The following COL28A1 variants were observed in gnomAD, a reference collection of about 807,000 sequenced individuals.
COL28A1 encodes collagen alpha-1(XXVIII) chain.
In COL28A1, 161 loss-of-function variants were observed where a neutral mutation model predicts 150.2. The observed-to-expected ratio is 1.07, with a 90% confidence interval of 0.94 to 1.22. The LOEUF (loss-of-function observed/expected upper bound fraction) is 1.22, where lower values mean the gene tolerates loss of function less well. Ranked by LOEUF, COL28A1 falls within the 50% of genes most tolerant of loss-of-function variation. The pLI is 0.00. For missense variants in COL28A1, 1,617 were observed against 1,388.3 expected (o/e 1.16, Z -2.62); for synonymous variants, 552 against 469.7 (o/e 1.18, Z -2.26).
intron 15 of COL28A1, among the ~76,000 whole-genome samples, chr7:7,462,511 G>C (rs1259520644): frequency 6.6e-6 from 1 of 151,754 alleles, no homozygotes; most frequent in Admixed American, 6.5e-5. Flanking sequence ...AATATTCAAT[G>C]AAATAGATAG....
chr7:7,526,550 A>T (rs911062657), intron 3 of COL28A1, among the ~76,000 whole-genome samples: 14 of 152,258 alleles, frequency 9.2e-5, no homozygotes, highest in African/African-American at 3.4e-4. Flanking sequence ...ATTCAAGTCA[A>T]ATTGTAATAT....
chr7:7,359,020 A>C (rs867740601), intron 34 of COL28A1, among the ~76,000 whole-genome samples: 34 of 152,212 alleles, frequency 2.2e-4, no homozygotes, highest in Admixed American at 5.9e-4. Flanking sequence ...AATTCTTTTG[A>C]AAACATGAAA....
In COL28A1 at chr7:7,444,602, G is replaced by T. The variant is rs953923425; in HGVS notation, c.1510-113C>A. ...GAAAAGCCTCCGAGAAATCTCATTA[G>T]CAATTAATACTAAACTATTTGATCT... On this transcript the variant is annotated intron_variant, in intron 18 of 34. Transcript: ENST00000399429. 69 of 985,416 alleles carry T rather than the reference G, an allele frequency of 7.0e-5. No individual in the cohort carries two copies. In the Admixed American group the frequency reaches 1.7e-3, roughly 24 times the overall value. 61.0% of individuals were successfully genotyped at this position (985,416 alleles called of 1,614,324 possible).
rs1243566284 is a variant in COL28A1 at position 7,381,576 on chromosome 7, C to T, written c.2173G>A (p.Gly725Ser). The change falls in exon 28 of 35, where the codon GGC (glycine) becomes AGC (serine). Residue 725 changes from glycine to serine, a missense_variant. Gly to Ser is a moderately conservative substitution (Grantham distance 56, BLOSUM62 0). Coordinates refer to ENST00000399429, the MANE Select transcript of COL28A1 (RefSeq NM_001037763.3). Reference protein sequence around the residue: ...QGPQGFPGPKGTMGHGLPGQK... With the variant: ...QGPQGFPGPKSTMGHGLPGQK... ...CCTGGGAGGCCATGGCCCATTGTGC[C>T]CTTTGGGCCTGGGAAGCCTTGTGGT... 4.3e-6 allele frequency: 7 copies of T among 1,613,760 alleles called. No individual in the cohort carries two copies. Among genetic ancestry groups the T allele is most frequent in the African/African-American group, 4.0e-5 (3 of 74,916 alleles).
At chr7:7,445,567 T>C (rs1365619597) in intron 18 of COL28A1, among the ~76,000 whole-genome samples, 1 of 152,226 alleles carries the variant, frequency 6.6e-6, no homozygotes, top group Non-Finnish European at 1.5e-5. Flanking sequence ...CTAACAACAC[T>C]TCCAGCTCTA....
chr7:7,497,861 A>G (rs1459920186), intron 11 of COL28A1, among the ~76,000 whole-genome samples: 2 of 152,234 alleles, frequency 1.3e-5, no homozygotes, highest in African/African-American at 4.8e-5. Context: ...AGGTAAATCT[A>G]CATATAAACT....
chr7:7,449,678 A>AAAAAC (rs899170113), intron 18 of COL28A1, among the ~76,000 whole-genome samples: 2 of 152,092 alleles, frequency 1.3e-5, no homozygotes, highest in Non-Finnish European at 1.5e-5. Flanking sequence ...CAACATGCCA[A>AAAAAC]AAAACAAAAC....
chr7:7,430,703 G>A (rs1445757801), intron 25 of COL28A1, among the ~76,000 whole-genome samples: 2 of 151,686 alleles, frequency 1.3e-5, no homozygotes, highest in Non-Finnish European at 2.9e-5. Context: ...TTTTACCATT[G>A]TTTCACTCAC....
the COL28A1 span, among the ~76,000 whole-genome samples, chr7:7,542,409 T>C: frequency 4.5e-3 from 687 of 152,320 alleles, 11 homozygotes; most frequent in African/African-American, 0.016. Context: ...AGCAAATATG[T>C]TCATTGTAAA....
Position 7,478,082 on chromosome 7 carries a change from C to T in COL28A1, c.1165-902G>A, listed in dbSNP as rs1235637898. On this transcript the variant is annotated intron_variant, in intron 13 of 34. Transcript: ENST00000399429. ...AAACCCTGAGCTAGACACAGAGTGC[C>T]GATTGGTGCATTCACAATCCCTTAG... 2.7e-5 allele frequency among the ~76,000 whole-genome samples: 4 copies of T among 150,798 alleles called. 1 individual carries two copies. Among genetic ancestry groups the T allele is most frequent in the Non-Finnish European group, 4.4e-5 (3 of 67,752 alleles).
chr7:7,425,523 C>T (rs1236433530), intron 25 of COL28A1, among the ~76,000 whole-genome samples: 2 of 152,166 alleles, frequency 1.3e-5, no homozygotes, highest in South Asian at 2.1e-4. Context: ...ATTTTCCCTC[C>T]GTTGCTAATC....
chr7:7,541,605 C>T, the COL28A1 span, among the ~76,000 whole-genome samples: 116 of 152,194 alleles, frequency 7.6e-4, no homozygotes, highest in African/African-American at 2.8e-3. Context: ...CCTTGTGGGA[C>T]TTTGTAGAAA....
chr7:7,503,372 A>C (rs1780639637), intron 11 of COL28A1, among the ~76,000 whole-genome samples: 1 of 152,234 alleles, frequency 6.6e-6, no homozygotes, highest in South Asian at 2.1e-4. Context: ...TATACATAAT[A>C]AATATACAAT....
rs191095203 is a variant in COL28A1, at chr7:7,399,636, G to A, written c.2137-18024C>T. 3.4e-3 allele frequency among the ~76,000 whole-genome samples: 473 copies of A among 140,216 alleles called. 3 individuals are homozygous for A. The highest frequency in any genetic ancestry group is 0.025 in the South Asian group (119 of 4,708). 92.0% of individuals were successfully genotyped at this position (140,216 alleles called of 152,430 possible). ...ATGACAAATTTTTGGAGTTCAATAT[G>A]GAAAAGAAATAATAAAATAGGGATA... On this transcript the variant is annotated intron_variant, in intron 27 of 34. Transcript: ENST00000399429.
chr7:7,346,286 G>A, the COL28A1 span, among the ~76,000 whole-genome samples: 1 of 151,810 alleles, frequency 6.6e-6, no homozygotes, highest in Non-Finnish European at 1.5e-5. Context: ...CAAGAAATTA[G>A]TTGTTTTCAG....
intron 3 of COL28A1, among the ~76,000 whole-genome samples, chr7:7,527,163 A>G (rs1782071355): frequency 6.6e-6 from 1 of 152,236 alleles, no homozygotes; most frequent in Non-Finnish European, 1.5e-5. Context: ...TTCTATGGAA[A>G]CAAAAATGAA....
At chr7:7,417,745 C>A in intron 27 of COL28A1, 114 bp downstream of exon 27, 1 of 848,956 alleles carries the variant, frequency 1.2e-6, no homozygotes, top group Admixed American at 2.0e-5. Flanking sequence ...CATTTAACTG[C>A]GAGGCTCACA....
At chr7:7,458,599 A>G (rs777010926) in intron 15 of COL28A1, among the ~76,000 whole-genome samples, 7 of 152,170 alleles carry the variant, frequency 4.6e-5, no homozygotes, top group Non-Finnish European at 7.3e-5. Flanking sequence ...CGGAAGGAAA[A>G]CATAATGGAA....
chr7:7,539,235 G>T (rs73674580), upstream of COL28A1, among the ~76,000 whole-genome samples: 16,250 of 152,238 alleles, frequency 0.11, 882 homozygotes, highest in Middle Eastern at 0.22. Context: ...TATGCAAGAA[G>T]CATGACACCA....
Sources: gnomAD v4.1 joint callset for allele counts (sites outside exome capture counted in the v4.1 genomes callset) on GRCh38, gnomAD v4.1.1 for gene constraint, MANE v1.5 for transcripts, NCBI Gene and HGNC (gene_info 2026-07-23, HGNC 2026-07-21) for gene names.